Variants in ABCA2 observed in about 807,000 individuals in gnomAD.
The protein encoded by ABCA2 is ATP binding cassette subfamily A member 2.
Under a neutral mutation model 262.8 loss-of-function variants are expected in ABCA2, and 84 were observed. That is an observed-to-expected ratio of 0.32 (90% CI 0.27 to 0.38). ABCA2 has a LOEUF of 0.38. Ranked by LOEUF, ABCA2 falls within the 10% of genes least tolerant of loss-of-function variation. ABCA2 has a pLI of 1.00. For missense variants in ABCA2, 2,662 were observed against 3,405.9 expected (o/e 0.78, Z 5.44); for synonymous variants, 1,696 against 1,502.9 (o/e 1.13, Z -2.97).
intron 48 of ABCA2, 157 bp downstream of exon 48, chr9:137,008,259 T>G (rs1456874035): frequency 1.1e-6 from 1 of 904,654 alleles, no homozygotes; most frequent in Admixed American, 2.0e-5. Context: ...TCTCCAGGCC[T>G]ATCTGCAAGT....
chr9:137,022,674 C>A, intron 5 of ABCA2, 28 bp downstream of exon 5: 1 of 1,595,964 alleles, frequency 6.3e-7, no homozygotes. Flanking sequence ...CGCAGCCCTG[C>A]CCCCCAACTT....
At chr9:137,012,646 G>A in intron 31 of ABCA2, 56 bp from the exon 32 acceptor site, 1 of 1,609,866 alleles carries the variant, frequency 6.2e-7, no homozygotes, top group Non-Finnish European at 8.5e-7. Flanking sequence ...GGCTAGAGGG[G>A]CAGGAGTTGA....
In ABCA2 at chr9:137,021,856, C is replaced by T; in HGVS notation, c.678+35G>A. The stretch of plus-strand genomic sequence containing the variant: ...CAGAAGCACCCCCAGAGGCAGGCAG[C>T]ACTCCAGGCCCATCCCACACATGGA... On this transcript the variant is annotated intron_variant, in intron 7 of 48. Transcript: ENST00000341511. The surrounding 1 kb of genome is among the most constrained non-coding windows in gnomAD (Gnocchi z 6.0). The T allele has an allele frequency of 6.5e-7, 1 of 1,537,206 alleles. No individual in the cohort carries two copies. Among genetic ancestry groups the T allele is most frequent in the Non-Finnish European group, 8.9e-7 (1 of 1,129,278 alleles).
Position 137,013,884 on chromosome 9 carries a change from T to C in ABCA2, c.4395A>G (p.Pro1465=), listed in dbSNP as rs1171524782. 16 of 1,612,384 alleles carry C rather than the reference T, an allele frequency of 9.9e-6. No homozygotes were observed. Among genetic ancestry groups the C allele is most frequent in the East Asian group, 4.5e-5 (2 of 44,876 alleles). Residue 1465 remains proline (P), a synonymous_variant, in exon 28 of 49, where the codon CCA becomes CCG. Coordinates refer to ENST00000341511, the MANE Select transcript of ABCA2 (RefSeq NM_001606.5). ...SKALFSQILL[P]AFFVCVAMTV... ...TCATGGCCACGCAGACGAAGAAGGC[T>C]GGCAGCAAGATCTGGGAGAAGAGTG...
In ABCA2 at chr9:137,011,951, A is replaced by C; in HGVS notation, c.5428T>G (p.Phe1810Val). Residue 1810 changes from phenylalanine to valine, a missense_variant, in exon 35 of 49, where the codon TTC becomes GTC. By Grantham distance (50) the Phe-to-Val change is conservative (BLOSUM62 -1). Coordinates refer to ENST00000341511, the MANE Select transcript of ABCA2 (RefSeq NM_001606.5). This position sits in a 1 kb window ranked among gnomAD's most constrained non-coding sequence, Gnocchi z 8.8. ...TTCTCGGCCACGAGGAAGACAACGA[A>C]GCTGGCCGGCACGAAGGACATGGCC... ...IVAMSFVPAS[F>V]VVFLVAEKST... The C allele has an allele frequency of 6.2e-7, 1 of 1,612,708 alleles. No individual in the cohort carries two copies. The highest frequency in any genetic ancestry group is 1.3e-5 in the African/African-American group (1 of 75,050).
Position 137,021,151 on chromosome 9 carries a change from G to A in ABCA2, c.898-90C>T. The A allele has an allele frequency of 1.4e-6, 2 of 1,429,362 alleles. No individual in the cohort carries two copies. Among genetic ancestry groups the A allele is most frequent in the Non-Finnish European group, 1.8e-6 (2 of 1,092,256 alleles). The allele number at this position is 1,429,362 out of a possible 1,614,324, so 88.5% of individuals were successfully genotyped here. ...GAGTGGAGCAGGGAGACAGCAGCAG[G>A]GAGACACAAGCTAGGGGTGCTGGGA... is the stretch of plus-strand genomic sequence containing the variant. On this transcript the variant is annotated intron_variant, in intron 8 of 48. Transcript: ENST00000341511. The surrounding 1 kb of genome is among the most constrained non-coding windows in gnomAD (Gnocchi z 6.0).
At position 137,008,564 on chromosome 9, in the gene ABCA2, G is replaced by A. The variant is rs745416901; in HGVS notation, c.7127C>T (p.Pro2376Leu). The change falls in exon 48 of 49, where the codon CCG (proline) becomes CTG (leucine). Residue 2376 changes from proline to leucine, a missense_variant. By Grantham distance (98) the Pro-to-Leu change is moderately conservative. Around this residue, in one of 12 missense-constraint regions of ABCA2, gnomAD observed 212 missense variants for 214.4 expected, o/e 0.99. Coordinates refer to ENST00000341511, the MANE Select transcript of ABCA2 (RefSeq NM_001606.5). ...GAGAGGGGACTGCAGTGCGGATGGC[G>A]GCTCCGTCTCCTGCTGCTCCAGGTT... Reference protein sequence around the residue: ...SDNLEQQETEPPSALQSPLGC... With the variant: ...SDNLEQQETELPSALQSPLGC... 1.2e-5 allele frequency: 19 copies of A among 1,608,336 alleles called. No individual in the cohort carries two copies. The highest frequency in any genetic ancestry group is 1.4e-5 in the Non-Finnish European group (17 of 1,178,152).
chr9:137,012,435 C>A lies in ABCA2; in HGVS notation c.5187+50G>T, dbSNP rs372495210. On this transcript the variant is annotated intron_variant, in intron 32 of 48. Coordinates refer to ENST00000341511, the MANE Select transcript of ABCA2 (RefSeq NM_001606.5). ...GACCTCAGACCTGGGTCCCTGCAGA[C>A]CTCGGGCGGCGCTACACACAGCGGG... 9 of 1,608,942 alleles carry A rather than the reference C, an allele frequency of 5.6e-6. No homozygotes were observed. In the Admixed American group the frequency reaches 1.5e-4, roughly 27 times the overall value.
In ABCA2 at chr9:137,019,485, C is replaced by CAG. The variant is rs139691980; in HGVS notation, c.1426-181_1426-180dup. 1 of 670,950 alleles carries CAG rather than the reference C, an allele frequency of 1.5e-6. No individual in the cohort carries two copies. The highest frequency in any genetic ancestry group is 2.9e-5 in the East Asian group (1 of 33,930). 41.6% of individuals were successfully genotyped at this position (670,950 alleles called of 1,614,324 possible). A position where few individuals can be genotyped will look rare whatever the true frequency, so the allele number is the denominator to read the frequency against. On this transcript the variant is annotated intron_variant, in intron 10 of 48. Transcript: ENST00000341511. The surrounding 1 kb of genome is among the most constrained non-coding windows in gnomAD (Gnocchi z 4.4). Reference sequence around the variant, plus strand: ...TCACCCACGCTGGAGTGCAGTGGTGCAGTCCCAGCTCACTGCAGCCTCCAC... The same window carrying CAG: ...TCACCCACGCTGGAGTGCAGTGGTGCAGAGTCCCAGCTCACTGCAGCCTCCAC...
Position 137,013,093 on chromosome 9 carries a change from G to C in ABCA2, c.4776C>G (p.Pro1592=). 1 of 1,581,548 alleles carries C rather than the reference G, an allele frequency of 6.3e-7. No individual in the cohort carries two copies. The change falls in exon 30 of 49, where the codon CCC becomes CCG. Residue 1592 remains proline (P), a synonymous_variant. Transcript: ENST00000341511. ...AGTCAGATGGGGCGGGCGAGGGTGGGGGTGGCACGAAATTGGACAGTGGCA... is the reference window on the plus strand; with the variant it reads ...AGTCAGATGGGGCGGGCGAGGGTGGCGGTGGCACGAAATTGGACAGTGGCA... ...QGLPLSNFVP[P]PPSPAPSDSP...
At position 137,021,113 on chromosome 9, in the gene ABCA2, G is replaced by A; in HGVS notation, c.898-52C>T. ...TGCGGGGTGAGATGGACTGCAGGTG[G>A]GTGATAGGTCAGGAGTGGAGCAGGG... On this transcript the variant is annotated intron_variant, in intron 8 of 48. Transcript: ENST00000341511. The surrounding 1 kb of genome is among the most constrained non-coding windows in gnomAD (Gnocchi z 6.0). 1.4e-6 allele frequency: 2 copies of A among 1,446,528 alleles called. No individual in the cohort carries two copies. Among genetic ancestry groups the A allele is most frequent in the Non-Finnish European group, 1.8e-6 (2 of 1,102,192 alleles). 89.6% of individuals were successfully genotyped at this position (1,446,528 alleles called of 1,614,324 possible).
chr9:137,015,282 G>A (rs955880178), intron 24 of ABCA2, 132 bp downstream of exon 24: 81 of 1,259,688 alleles, frequency 6.4e-5, no homozygotes, highest in Admixed American at 2.4e-4. Context: ...TGCAGAGGGC[G>A]GGCCAGGCCC....
chr9:137,028,367 A>G (rs1259802918), upstream of ABCA2: 17 of 753,518 alleles, frequency 2.3e-5, no homozygotes, highest in Non-Finnish European at 2.6e-5. The surrounding 1 kb of genome is among the most constrained non-coding windows in gnomAD (Gnocchi z 6.9). Flanking sequence ...CGCGCCCGCC[A>G]GGAGGCGCCC....
chr9:137,016,716 G>A lies in ABCA2; in HGVS notation c.2781C>T (p.Pro927=), dbSNP rs1461319513. Reference sequence around the variant, plus strand: ...AGGACTTCTGCAGTGGGAAGTACCAGGGCCGGGGCAGCCCGTACATGCCTG... The same window carrying A: ...AGGACTTCTGCAGTGGGAAGTACCAAGGCCGGGGCAGCCCGTACATGCCTG... The part of the protein sequence containing the change: ...VHPGMYGLPR[P]WYFPLQKSYW... The change falls in exon 20 of 49, where the codon CCC becomes CCT. Residue 927 remains proline (P), a synonymous_variant. Transcript: ENST00000341511. 2 of 1,566,486 alleles carry A rather than the reference G, an allele frequency of 1.3e-6. No homozygotes were observed. The highest frequency in any genetic ancestry group is 1.8e-5 in the Admixed American group (1 of 56,522).
chr9:137,007,993 G>A (rs549410600), intron 48 of ABCA2, 29 bp from the exon 49 acceptor site: 1 of 1,595,484 alleles, frequency 6.3e-7, no homozygotes, highest in Non-Finnish European at 8.5e-7. Context: ...AGGCTTATGG[G>A]GCATCCTGTG....
At position 137,018,273 on chromosome 9, in the gene ABCA2, G is replaced by A; in HGVS notation, c.1898C>T (p.Thr633Ile). The change falls in exon 14 of 49, where the codon ACC becomes ATC. Residue 633 changes from threonine (T) to isoleucine (I), a missense_variant. Coordinates refer to ENST00000341511, the MANE Select transcript of ABCA2 (RefSeq NM_001606.5). ...HYKIRQNSSF[T>I]EKTNEIRRAY... The stretch of plus-strand genomic sequence containing the variant: ...GCGGCGGATCTCGTTGGTTTTCTCG[G>A]TGAAGCTGGAGTTCTGGCGGATCTT... 6.2e-7 allele frequency: 1 copy of A among 1,610,742 alleles called. No individual in the cohort carries two copies. The highest frequency in any genetic ancestry group is 8.5e-7 in the Non-Finnish European group (1 of 1,179,588).
At chr9:137,012,184 C>T (rs770570590) in intron 33 of ABCA2, 22 bp from the exon 34 acceptor site, 34 of 1,609,502 alleles carry the variant, frequency 2.1e-5, no homozygotes, top group South Asian at 2.0e-4. Context: ...GGGGCGGGGG[C>T]GGCAGCTTCA....
Position 137,016,369 on chromosome 9 carries a change from T to C in ABCA2, c.3026A>G (p.Asn1009Ser). Reference sequence around the variant, plus strand: ...CTCGTAGAGGTTCAGGCTCAGCTTGTTCAGGGCCAGCTTCTTGTCGTCCTT... The same window carrying C: ...CTCGTAGAGGTTCAGGCTCAGCTTGCTCAGGGCCAGCTTCTTGTCGTCCTT... ...VYKDDKKLALNKLSLNLYENQ... is the reference protein window; with the variant it reads ...VYKDDKKLALSKLSLNLYENQ... The change falls in exon 21 of 49, where the codon AAC (asparagine) becomes AGC (serine). Residue 1009 changes from asparagine (N) to serine (S), a missense_variant. By Grantham distance (46) the Asn-to-Ser change is conservative (BLOSUM62 1). Transcript: ENST00000341511. 1 of 1,612,908 alleles carries C rather than the reference T, an allele frequency of 6.2e-7. No homozygotes were observed. The highest frequency in any genetic ancestry group is 8.5e-7 in the Non-Finnish European group (1 of 1,179,982).
chr9:137,025,473 C>T (rs955512526), intron 1 of ABCA2, among the ~76,000 whole-genome samples: 39 of 152,242 alleles, frequency 2.6e-4, no homozygotes, highest in Admixed American at 1.2e-3. Context: ...CTGTGTGGCC[C>T]GGGCCGAGTC....
Sources: allele counts gnomAD v4.1 joint callset (sites outside exome capture counted in the v4.1 genomes callset), GRCh38; gene constraint gnomAD v4.1.1; regional missense constraint gnomAD v4.1.1; non-coding constraint Gnocchi (gnomAD v3.1); transcripts MANE v1.5; gene names NCBI Gene and HGNC (gene_info 2026-07-23, HGNC 2026-07-21).